GANC: variants seen among roughly 807,000 people sequenced by gnomAD.
GANC encodes glucosidase alpha, neutral C, also known as neutral alpha-glucosidase C.
A neutral mutation model predicts 124.2 loss-of-function variants in GANC; 117 were observed. That is an observed-to-expected ratio of 0.94 (90% CI 0.81 to 1.10). GANC has a LOEUF of 1.10. Among genes scored for constraint, GANC ranks in the 50% least tolerant of loss-of-function variants. The pLI, the probability that GANC is intolerant of heterozygous loss-of-function variation, is 0.00. For synonymous variants in GANC, 377 were observed against 376.8 expected (o/e 1.00, Z -0.01); for missense variants, 1,140 against 1,095.0 (o/e 1.04, Z -0.58).
chr15:42,347,223 A>G (rs2052373858), intron 20 of GANC, among the ~76,000 whole-genome samples: 1 of 151,328 alleles, frequency 6.6e-6, no homozygotes, highest in Non-Finnish European at 1.5e-5. Flanking sequence ...AGGAAGGGGC[A>G]TGTGTGGGGA....
intron 14 of GANC, 135 bp from the exon 15 acceptor site, chr15:42,330,441 T>C: frequency 1.7e-6 from 1 of 603,654 alleles, no homozygotes. Flanking sequence ...ATGAAAATTA[T>C]TTGATGGATT....
At position 42,329,425 on chromosome 15, in the gene GANC, C is replaced by T. The variant is rs115265256; in HGVS notation, c.1620C>T (p.Leu540=). The T allele has an allele frequency of 1.5e-3, 2,354 of 1,612,456 alleles. 36 individuals are homozygous for T. In the African/African-American group the frequency reaches 0.028, roughly 19 times the overall value. The change falls in exon 14 of 24, where the codon CTC becomes CTT. Residue 540 remains leucine (L), a synonymous_variant. Transcript: ENST00000318010. ...ATGGCAATTGGGAGCACAGAGAGCT[C>T]CACAACATCTACGGTTTTTATCATG... The part of the protein sequence containing the change: ...IHHGNWEHRE[L]HNIYGFYHQM...
intron 10 of GANC, among the ~76,000 whole-genome samples, chr15:42,320,793 T>A (rs1227263602): frequency 6.6e-6 from 1 of 152,086 alleles, no homozygotes; most frequent in Non-Finnish European, 1.5e-5. Context: ...AGATGAGGCT[T>A]CCACTCTAGT....
At position 42,292,869 on chromosome 15, in the gene GANC, C is replaced by T; in HGVS notation, c.464C>T (p.Ser155Phe). Reference sequence around the variant, plus strand: ...GAAGAGGTTGTGATTAGCATAAATTCCCTGGGCCAATTATACTTTGAGCAT... The same window carrying T: ...GAAGAGGTTGTGATTAGCATAAATTTCCTGGGCCAATTATACTTTGAGCAT... ...SEEEVVISIN[S>F]LGQLYFEHLQ... is the part of the protein sequence containing the mutation. Residue 155 changes from serine to phenylalanine, a missense_variant, in exon 5 of 24, where the codon TCC (serine) becomes TTC (phenylalanine). Ser to Phe is a radical substitution (Grantham distance 155). Coordinates refer to ENST00000318010, the MANE Select transcript of GANC (RefSeq NM_198141.3). 1 of 1,614,068 alleles carries T rather than the reference C, an allele frequency of 6.2e-7. No homozygotes were observed. The highest frequency in any genetic ancestry group is 8.5e-7 in the Non-Finnish European group (1 of 1,179,960).
At chr15:42,312,420 C>T (rs570579153) in intron 10 of GANC, among the ~76,000 whole-genome samples, 46 of 152,248 alleles carry the variant, frequency 3.0e-4, no homozygotes, top group African/African-American at 1.1e-3. Context: ...GGGAGTTTCC[C>T]TGCACAAGCA....
At chr15:42,287,860 ATTCTT>A (rs1398590960) in intron 4 of GANC, 42 bp downstream of exon 4, 4 of 1,577,072 alleles carry the variant, frequency 2.5e-6, no homozygotes, top group Admixed American at 2.0e-5. Flanking sequence ...CGCTTGATAT[ATTCTT>A]TTATCATATC....
At chr15:42,295,685 C>G (rs966339925) in intron 5 of GANC, among the ~76,000 whole-genome samples, 11 of 122,956 alleles carry the variant, frequency 8.9e-5, no homozygotes, top group Admixed American at 5.8e-4. Context: ...CACACACACA[C>G]ACAGCGTGAA....
chr15:42,289,582 T>G (rs1309355091), intron 4 of GANC, among the ~76,000 whole-genome samples: 1 of 150,970 alleles, frequency 6.6e-6, no homozygotes, highest in East Asian at 2.0e-4. Context: ...TTTTCTACAA[T>G]TGAGCCTTGG....
At chr15:42,351,665 A>T (rs1400648550) in intron 23 of GANC, among the ~76,000 whole-genome samples, 2 of 152,216 alleles carry the variant, frequency 1.3e-5, no homozygotes. Context: ...GGGGCTTGAA[A>T]TAATATCATA....
intron 8 of GANC, among the ~76,000 whole-genome samples, chr15:42,309,437 A>T (rs2052030284): frequency 6.6e-6 from 1 of 151,562 alleles, no homozygotes; most frequent in African/African-American, 2.4e-5. Context: ...CTCCTGCCTC[A>T]GCCTCCCTAG....
At chr15:42,302,662 G>T (rs2051957478) in intron 6 of GANC, among the ~76,000 whole-genome samples, 1 of 152,104 alleles carries the variant, frequency 6.6e-6, no homozygotes, top group African/African-American at 2.4e-5. Context: ...GAACATAAAT[G>T]ACCTGATGGA....
chr15:42,348,681 G>C (rs2052390432), intron 21 of GANC, among the ~76,000 whole-genome samples: 1 of 152,230 alleles, frequency 6.6e-6, no homozygotes, highest in Non-Finnish European at 1.5e-5. Flanking sequence ...GTCCTTTTCA[G>C]ATTTTTTAAG....
chr15:42,326,191 TGTA>T lies in GANC; in HGVS notation c.1294-104_1294-102del. ...TTGTCTGAAATATTTCAATACTAGT[TGTA>T]GTTGTTTGTAAAAATTGAACCCCCA... On this transcript the variant is annotated intron_variant, in intron 11 of 23. Coordinates refer to ENST00000318010, the MANE Select transcript of GANC (RefSeq NM_198141.3). 4.1e-6 allele frequency: 3 copies of T among 728,156 alleles called. No homozygotes were observed. In the South Asian group the frequency reaches 5.4e-5, roughly 13 times the overall value. The allele number at this position is 728,156 out of a possible 1,614,324, so 45.1% of individuals were successfully genotyped here. A position where few individuals can be genotyped will look rare whatever the true frequency, so the allele number is the denominator to read the frequency against.
intron 8 of GANC, among the ~76,000 whole-genome samples, chr15:42,309,502 T>C (rs2052030880): frequency 1.3e-5 from 2 of 151,916 alleles, no homozygotes; most frequent in Admixed American, 1.3e-4. Context: ...GTATTTTTAA[T>C]AGCGTCAGGC....
At chr15:42,275,632 T>C (rs2051663368) in intron 1 of GANC, among the ~76,000 whole-genome samples, 2 of 152,160 alleles carry the variant, frequency 1.3e-5, no homozygotes, top group Non-Finnish European at 2.9e-5. Context: ...TGGAGGCTAG[T>C]TTAAATACAT....
intron 21 of GANC, among the ~76,000 whole-genome samples, chr15:42,348,635 C>T (rs755598938): frequency 7.9e-5 from 12 of 152,174 alleles, no homozygotes; most frequent in African/African-American, 2.7e-4. Context: ...ACTAAAACCC[C>T]CTTGGGCAAA....
chr15:42,283,371 T>A (rs1316916315), intron 3 of GANC, among the ~76,000 whole-genome samples: 1 of 152,060 alleles, frequency 6.6e-6, no homozygotes, highest in East Asian at 1.9e-4. Context: ...AGAACTCAGT[T>A]GTTGTTGTTG....
At position 42,273,405 on chromosome 15, in the gene GANC, A is replaced by G. The variant is rs778038926; in HGVS notation, c.-1077A>G. 5.0e-6 allele frequency: 8 copies of G among 1,613,784 alleles called. No homozygotes were observed. In the Admixed American group the frequency reaches 1.2e-4, roughly 24 times the overall value. The stretch of plus-strand genomic sequence containing the variant: ...GCCACGCAGCCGCCGCCATCTTCAC[A>G]GCCGTGGAGTGCCTACCGAAAGCAT... On this transcript the variant is annotated 5_prime_UTR_variant, in exon 1 of 24. Coordinates refer to ENST00000318010, the MANE Select transcript of GANC (RefSeq NM_198141.3).
chr15:42,295,855 C>G (rs1028829095), intron 5 of GANC, among the ~76,000 whole-genome samples: 4 of 152,058 alleles, frequency 2.6e-5, no homozygotes, highest in South Asian at 2.1e-4. Context: ...AAGATTGTTA[C>G]GTTGAGCTGG....
Sources: allele counts gnomAD v4.1 joint callset (sites outside exome capture counted in the v4.1 genomes callset), GRCh38; gene constraint gnomAD v4.1.1; transcripts MANE v1.5; gene names NCBI Gene and HGNC (gene_info 2026-07-23, HGNC 2026-07-21).